PDHX: variants seen among roughly 807,000 people sequenced by gnomAD.
PDHX encodes the protein pyruvate dehydrogenase protein X component, mitochondrial.
In PDHX, 33 loss-of-function variants were observed where a neutral mutation model predicts 55.3. The observed-to-expected ratio is 0.60, with a 90% confidence interval of 0.45 to 0.80. The LOEUF is 0.80. PDHX is among the 30% of genes least tolerant of loss of function. PDHX has a pLI of 0.00. For synonymous variants in PDHX, 226 were observed against 219.4 expected, an observed-to-expected ratio of 1.03 and a Z score of -0.27; for missense variants, 622 against 619.9, an observed-to-expected ratio of 1.00 and a Z score of -0.04.
chr11:34,934,638 C>T (rs752200490), intron 2 of PDHX, among the ~76,000 whole-genome samples: 81 of 129,164 alleles, frequency 6.3e-4, no homozygotes, highest in Non-Finnish European at 9.0e-4. Flanking sequence ...AGTATAATGG[C>T]GCGATCTCTG....
chr11:34,985,178 C>CA (rs1210347917), intron 9 of PDHX, among the ~76,000 whole-genome samples: 22 of 152,212 alleles, frequency 1.4e-4, no homozygotes, highest in Non-Finnish European at 1.9e-4. Flanking sequence ...CGCGGTGTCT[C>CA]ACGCCTGTAA....
At chr11:34,954,134 A>G (rs1380009537) in intron 3 of PDHX, among the ~76,000 whole-genome samples, 1 of 152,242 alleles carries the variant, frequency 6.6e-6, no homozygotes, top group African/African-American at 2.4e-5. Flanking sequence ...TAAGTCAGTC[A>G]CGTGACTCAG....
chr11:34,957,396 A>C lies in PDHX; in HGVS notation c.355A>C (p.Ser119Arg). Residue 119 changes from serine to arginine, a missense_variant, in exon 4 of 11, where the codon AGT becomes CGT. By Grantham distance (110) the Ser-to-Arg change is moderately radical. Transcript: ENST00000227868. ...TTTTTAAATATAGGTTGAAGAAGGAAGTAAAAATATACGGCTAGGTTCACT... is the reference window on the plus strand; with the variant it reads ...TTTTTAAATATAGGTTGAAGAAGGACGTAAAAATATACGGCTAGGTTCACT... ...ILAKIVVEEG[S>R]KNIRLGSLIG... The C allele has an allele frequency of 2.5e-6, 4 of 1,602,134 alleles. No individual in the cohort carries two copies. Among genetic ancestry groups the C allele is most frequent in the Non-Finnish European group, 3.4e-6 (4 of 1,169,010 alleles).
chr11:34,951,079 C>T (rs1397053318), intron 3 of PDHX, among the ~76,000 whole-genome samples: 317 of 102,798 alleles, frequency 3.1e-3, no homozygotes, highest in Non-Finnish European at 4.9e-3. Flanking sequence ...TTTTTTGAGA[C>T]GCAGTCTTGC....
At chr11:34,984,232 C>T (rs1162560118) in intron 8 of PDHX, among the ~76,000 whole-genome samples, 3 of 152,114 alleles carry the variant, frequency 2.0e-5, no homozygotes, top group East Asian at 1.9e-4. Context: ...AGATCATGTT[C>T]GTTATCATAT....
intron 7 of PDHX, chr11:34,977,833 T>G (rs1390982754): frequency 2.0e-6 from 1 of 493,282 alleles, no homozygotes; most frequent in Non-Finnish European, 4.0e-6. Flanking sequence ...TTTCTGATTA[T>G]GCTTGTAATG....
rs575477141 is a variant in PDHX at position 34,958,593 on chromosome 11, G to A, written c.542+1010G>A. ...TGGGATTACAGGCGTGAGCCACTGC[G>A]CCTGGCCTGCTTTTTGAAGTACTGA... is the stretch of plus-strand genomic sequence containing the variant. On this transcript the variant is annotated intron_variant, in intron 4 of 10. Coordinates refer to ENST00000227868, the MANE Select transcript of PDHX (RefSeq NM_003477.3). 3.3e-5 allele frequency among the ~76,000 whole-genome samples: 5 copies of A among 152,028 alleles called. No homozygotes were observed. The South Asian group carries it at 8.3e-4, about 25-fold the overall frequency.
Position 34,972,987 on chromosome 11 carries a change from G to A in PDHX, c.964+2701G>A, listed in dbSNP as rs140157754. ...TTTTGCAAAGGAATGTTCTATAAATGTCAGGCCAAGCTGGTTAATAGTGTT... is the reference window on the plus strand; with the variant it reads ...TTTTGCAAAGGAATGTTCTATAAATATCAGGCCAAGCTGGTTAATAGTGTT... On this transcript the variant is annotated intron_variant, in intron 7 of 10. Coordinates refer to ENST00000227868, the MANE Select transcript of PDHX (RefSeq NM_003477.3). 3.5e-3 allele frequency among the ~76,000 whole-genome samples: 530 copies of A among 152,268 alleles called. 3 individuals carry two copies. Among genetic ancestry groups the A allele is most frequent in the Non-Finnish European group, 6.4e-3 (433 of 68,014 alleles).
At position 34,966,621 on chromosome 11, in the gene PDHX, A is replaced by G. The variant is rs138324257; in HGVS notation, c.642-19A>G. The G allele has an allele frequency of 2.4e-4, 386 of 1,612,802 alleles. No individual in the cohort carries two copies. The African/African-American group carries it at 4.5e-3, about 19-fold the overall frequency. On this transcript the variant is annotated intron_variant, in intron 5 of 10. Transcript: ENST00000227868. ...TCCTTATTGCTAATTATGGTTATCT[A>G]CTTTGCTCTTATTTCCAGGGATGCT...
chr11:34,918,046 C>T (rs1853778536), intron 1 of PDHX, among the ~76,000 whole-genome samples: 2 of 152,124 alleles, frequency 1.3e-5, no homozygotes, highest in African/African-American at 4.8e-5. Flanking sequence ...TGGATATAAT[C>T]TAGGAAGAGT....
intron 2 of PDHX, among the ~76,000 whole-genome samples, chr11:34,936,247 A>T (rs1165480768): frequency 6.6e-6 from 1 of 152,172 alleles, no homozygotes; most frequent in Non-Finnish European, 1.5e-5. Flanking sequence ...GGTTATCCAA[A>T]TGAACATTAC....
chr11:34,968,260 CAAA>C (rs36026065), intron 6 of PDHX, among the ~76,000 whole-genome samples: 4 of 131,036 alleles, frequency 3.1e-5, no homozygotes, highest in Admixed American at 7.6e-5. Flanking sequence ...GACCCTATCT[CAAA>C]AAAAAAAAAA....
At chr11:34,983,950 A>G (rs539686764) in intron 8 of PDHX, among the ~76,000 whole-genome samples, 1 of 152,254 alleles carries the variant, frequency 6.6e-6, no homozygotes, top group Non-Finnish European at 1.5e-5. Flanking sequence ...GAACCAAAAA[A>G]GAACCCGCAT....
At chr11:34,970,893 G>T (rs1422423415) in intron 7 of PDHX, among the ~76,000 whole-genome samples, 1 of 152,146 alleles carries the variant, frequency 6.6e-6, no homozygotes, top group Non-Finnish European at 1.5e-5. Context: ...CTATAATTTG[G>T]TTGGTTAGTT....
At chr11:34,936,237 G>A (rs1043301439) in intron 2 of PDHX, among the ~76,000 whole-genome samples, 1 of 152,152 alleles carries the variant, frequency 6.6e-6, no homozygotes, top group African/African-American at 2.4e-5. Context: ...GGTGCAGTGA[G>A]GTTATCCAAA....
At chr11:34,920,937 G>A (rs913378935) in intron 1 of PDHX, among the ~76,000 whole-genome samples, 6 of 152,184 alleles carry the variant, frequency 3.9e-5, no homozygotes, top group Middle Eastern at 3.2e-3. Flanking sequence ...CCTGTTTTTT[G>A]TAGGCATCTG....
At chr11:34,956,739 ATATACT>A (rs1565159532) in intron 3 of PDHX, among the ~76,000 whole-genome samples, 2 of 152,128 alleles carry the variant, frequency 1.3e-5, no homozygotes, top group South Asian at 2.1e-4. Flanking sequence ...TGTGTTTCTG[ATATACT>A]TATAAAAAAA....
At chr11:34,925,421 G>A (rs144655832) in intron 1 of PDHX, among the ~76,000 whole-genome samples, 15 of 152,150 alleles carry the variant, frequency 9.9e-5, no homozygotes, top group East Asian at 7.7e-4. Flanking sequence ...TGATTATTAC[G>A]TATCTATTTA....
At chr11:34,951,359 T>C (rs1172492037) in intron 3 of PDHX, among the ~76,000 whole-genome samples, 1 of 152,110 alleles carries the variant, frequency 6.6e-6, no homozygotes, top group Non-Finnish European at 1.5e-5. Flanking sequence ...GCGCCCGGCC[T>C]GTTTCCTGAC....
Sources: allele counts gnomAD v4.1 joint callset (sites outside exome capture counted in the v4.1 genomes callset), GRCh38; gene constraint gnomAD v4.1.1; transcripts MANE v1.5; gene names NCBI Gene and HGNC (gene_info 2026-07-23, HGNC 2026-07-21).